TTC34: variants seen among roughly 807,000 people sequenced by gnomAD.
TTC34 encodes tetratricopeptide repeat domain 34, also known as tetratricopeptide repeat protein 34.
Under a neutral mutation model 40.7 loss-of-function variants are expected in TTC34, and 44 were observed. The observed-to-expected ratio is 1.08, with a 90% CI of 0.85 to 1.39. The LOEUF is 1.39. TTC34 is among the 40% of genes most tolerant of loss of function. The pLI, the probability that TTC34 is intolerant of heterozygous loss-of-function variation, is 0.00. For synonymous variants in TTC34, 422 were observed against 398.6 expected, an observed-to-expected ratio of 1.06 and a Z score of -0.70; for missense variants, 884 against 838.0, an observed-to-expected ratio of 1.05 and a Z score of -0.68.
At chr1:2,677,792 G>GCCTGGAA (rs2100302809) in intron 6 of TTC34, among the ~76,000 whole-genome samples, 1 of 40,310 alleles carries the variant, frequency 2.5e-5, no homozygotes, top group African/African-American at 1.1e-4. Context: ...GCATCTGACC[G>GCCTGGAA]CATCACATGG....
At chr1:2,773,052 G>GGTGAGCATCTGACAGCCTGGAGCAGCACC (rs1642533908) in intron 6 of TTC34, among the ~76,000 whole-genome samples, 40 of 114,306 alleles carry the variant, frequency 3.5e-4, no homozygotes, top group African/African-American at 1.0e-3. Context: ...GGAGCAGCAC[G>GGTGAGCATCTGACAGCCTGGAGCAGCACC]CACACCCCCA....
chr1:2,687,648 C>A (rs548280152), intron 6 of TTC34, among the ~76,000 whole-genome samples: 7 of 151,600 alleles, frequency 4.6e-5, no homozygotes, highest in South Asian at 4.2e-4. Context: ...CACCCACACC[C>A]CCAGGTGAGC....
intron 6 of TTC34, among the ~76,000 whole-genome samples, chr1:2,685,192 C>A (rs1640273229): frequency 1.4e-5 from 2 of 144,176 alleles, no homozygotes; most frequent in East Asian, 4.1e-4. Flanking sequence ...TGGAACAGCA[C>A]CCACACCCCC....
chr1:2,652,152 A>ACGG (rs1639161531), intron 6 of TTC34, among the ~76,000 whole-genome samples: 2 of 25,824 alleles, frequency 7.7e-5, no homozygotes, highest in Non-Finnish European at 1.8e-4. Flanking sequence ...ACAGCCTGGA[A>ACGG]CACAACCCAC....
chr1:2,677,472 A>AG (rs1639948332), intron 6 of TTC34, among the ~76,000 whole-genome samples: 2 of 17,486 alleles, frequency 1.1e-4, no homozygotes, highest in East Asian at 1.8e-3. Flanking sequence ...ATCTGAACAC[A>AG]CGGAGCAGCA....
chr1:2,684,996 A>T (rs1414341676), intron 6 of TTC34, among the ~76,000 whole-genome samples: 1 of 141,796 alleles, frequency 7.1e-6, no homozygotes, highest in Non-Finnish European at 1.5e-5. Context: ...CAGCACCCAT[A>T]CCCCCAGGCG....
chr1:2,656,370 C>A (rs1254745216), intron 6 of TTC34, among the ~76,000 whole-genome samples: 210 of 98,192 alleles, frequency 2.1e-3, no homozygotes, highest in African/African-American at 4.7e-3. Flanking sequence ...GGAACAGCAC[C>A]CACACCCACA....
At chr1:2,643,945 T>C (rs1638966104) in intron 8 of TTC34, among the ~76,000 whole-genome samples, 1 of 152,238 alleles carries the variant, frequency 6.6e-6, no homozygotes, top group African/African-American at 2.4e-5. Flanking sequence ...GGGGTGGGCT[T>C]CCTGCCGGGC....
At chr1:2,659,689 C>CCTGGAACAGCA (rs1639469512) in intron 6 of TTC34, among the ~76,000 whole-genome samples, 1 of 149,240 alleles carries the variant, frequency 6.7e-6, no homozygotes, top group Non-Finnish European at 1.5e-5. Context: ...AATCTGACAG[C>CCTGGAACAGCA]CCGGAGCAGC....
At chr1:2,694,985 C>A (rs1414817184) in intron 6 of TTC34, among the ~76,000 whole-genome samples, 3 of 150,994 alleles carry the variant, frequency 2.0e-5, no homozygotes, top group South Asian at 2.1e-4. Context: ...TGGAGCAGCA[C>A]CCTGCACCCC....
chr1:2,691,704 C>A (rs558919734), intron 6 of TTC34, among the ~76,000 whole-genome samples: 1 of 92,596 alleles, frequency 1.1e-5, no homozygotes, highest in African/African-American at 3.5e-5. Context: ...GCACCCACAT[C>A]CCCAGGTGAG....
chr1:2,692,417 C>A (rs1569597222), intron 6 of TTC34, among the ~76,000 whole-genome samples: 1 of 117,690 alleles, frequency 8.5e-6, no homozygotes, highest in South Asian at 2.7e-4. Context: ...TGGAGCAGCA[C>A]CCACACCCCC....
chr1:2,769,530 C>A (rs1463581759), intron 6 of TTC34, among the ~76,000 whole-genome samples: 9 of 117,994 alleles, frequency 7.6e-5, no homozygotes, highest in Non-Finnish European at 1.5e-4. Context: ...ATCTGACAAC[C>A]TGGAGCAGCA....
At chr1:2,757,344 CT>C (rs1460072483) in intron 6 of TTC34, among the ~76,000 whole-genome samples, 40 of 2,870 alleles carry the variant, frequency 0.014, no homozygotes, top group South Asian at 0.019. Context: ...GAGCAGCACC[CT>C]ACACCCCCAG....
At chr1:2,685,971 C>A (rs1157971675) in intron 6 of TTC34, among the ~76,000 whole-genome samples, 6 of 103,456 alleles carry the variant, frequency 5.8e-5, no homozygotes, top group South Asian at 3.1e-4. Flanking sequence ...CACAGGCGAG[C>A]ATCTGACTGC....
chr1:2,750,250 G>A (rs1641271010), intron 6 of TTC34, among the ~76,000 whole-genome samples: 3 of 150,436 alleles, frequency 2.0e-5, no homozygotes, highest in African/African-American at 4.9e-5. Context: ...ACACCCACAG[G>A]TGGGCATCTG....
chr1:2,660,831 T>C (rs796650169), intron 6 of TTC34, among the ~76,000 whole-genome samples: 131 of 2,596 alleles, frequency 0.05, 1 homozygote, highest in Non-Finnish European at 0.062. Flanking sequence ...AGCACCCACA[T>C]CCCCAGGTGA....
intron 6 of TTC34, among the ~76,000 whole-genome samples, chr1:2,648,621 C>A (rs1570749242): frequency 1.3e-5 from 2 of 151,676 alleles, no homozygotes; most frequent in East Asian, 3.9e-4. Flanking sequence ...GGAACAGCAC[C>A]CCACACCCCA....
intron 2 of TTC34, among the ~76,000 whole-genome samples, chr1:2,792,033 T>TTTTTTTTTTTTTTTTTTTTTTTTTTTTA (rs1553171534): frequency 1.9e-5 from 2 of 107,166 alleles, no homozygotes; most frequent in African/African-American, 4.0e-5. Flanking sequence ...TTTTTTTTTT[T>TTTTTTTTTTTTTTTTTTTTTTTTTTTTA]AAAGACAGGG....
Sources: allele counts gnomAD v4.1 joint callset (sites outside exome capture counted in the v4.1 genomes callset), GRCh38; gene constraint gnomAD v4.1.1; transcripts MANE v1.5; gene names NCBI Gene and HGNC (gene_info 2026-07-23, HGNC 2026-07-21).